The following ZNF579 variants were observed in gnomAD, a reference collection of about 807,000 sequenced individuals.
The protein encoded by ZNF579 is zinc finger protein 579.
ZNF579 carries 3 observed loss-of-function variants against 5.7 expected under a neutral mutation model. That is an observed-to-expected ratio of 0.53 (90% CI 0.24 to 1.36). The LOEUF is 1.36. Ranked by LOEUF, ZNF579 falls within the 40% of genes most tolerant of loss-of-function variation. ZNF579 has a pLI of 0.16. For missense variants in ZNF579, 679 were observed against 877.6 expected, an observed-to-expected ratio of 0.77 and a Z score of 2.86; for synonymous variants, 454 against 409.0, an observed-to-expected ratio of 1.11 and a Z score of -1.33.
chr19:55,578,564 C>A lies in ZNF579; in HGVS notation c.1076G>T (p.Gly359Val). The change falls in exon 2 of 2, where the codon GGT becomes GTT. Residue 359 changes from glycine to valine, a missense_variant. Coordinates refer to ENST00000325421, the MANE Select transcript of ZNF579 (RefSeq NM_152600.3). ...CTGCCCTTCTCCCCCTTCCGAGGCA[C>A]CCCCGCACTCCGCCCCCTCGCCCCC... ...PEGGEGAECG[G>V]ASEGGEGQNG... The A allele has an allele frequency of 1.4e-6, 2 of 1,436,592 alleles. No individual in the cohort carries two copies. The highest frequency in any genetic ancestry group is 1.8e-6 in the Non-Finnish European group (2 of 1,103,088). The allele number at this position is 1,436,592 out of a possible 1,614,324, so 89.0% of individuals were successfully genotyped here.
chr19:55,577,924 G>C lies in ZNF579; in HGVS notation c.*27C>G. The C allele has an allele frequency of 2.6e-6, 4 of 1,562,518 alleles. No homozygotes were observed. Among genetic ancestry groups the C allele is most frequent in the Non-Finnish European group, 3.5e-6 (4 of 1,154,582 alleles). On this transcript the variant is annotated 3_prime_UTR_variant, in exon 2 of 2. Coordinates refer to ENST00000325421, the MANE Select transcript of ZNF579 (RefSeq NM_152600.3). ...TTCTGCAAACCGGGGAGCTCAGGCG[G>C]AGCGGCGGAGGGCAGGGCGGCGAAG...
In ZNF579 at chr19:55,578,535, C is replaced by T. The variant is rs1184051456; in HGVS notation, c.1105G>A (p.Gly369Arg). ...GGCCGAGCCGGGGCGGCGTCGCCTC[C>T]GTTCTGCCCTTCTCCCCCTTCCGAG... ...GASEGGEGQN[G>R]GDAAPARPPA... The change falls in exon 2 of 2, where the codon GGA (glycine) becomes AGA (arginine). Residue 369 changes from glycine (G) to arginine (R), a missense_variant. By Grantham distance (125) the Gly-to-Arg change is moderately radical. Coordinates refer to ENST00000325421, the MANE Select transcript of ZNF579 (RefSeq NM_152600.3). 1.5e-6 allele frequency: 2 copies of T among 1,363,206 alleles called. No homozygotes were observed. Among genetic ancestry groups the T allele is most frequent in the Non-Finnish European group, 1.9e-6 (2 of 1,079,904 alleles). The allele number at this position is 1,363,206 out of a possible 1,614,324, so 84.4% of individuals were successfully genotyped here. A position where few individuals can be genotyped will look rare whatever the true frequency, so the allele number is the denominator to read the frequency against.
rs1224982596 is a variant in ZNF579 at position 55,577,399 on chromosome 19, G to A, written c.*552C>T. The A allele has an allele frequency of 1.3e-5, 2 of 158,434 alleles. No homozygotes were observed. The highest frequency in any genetic ancestry group is 2.8e-5 in the Non-Finnish European group (2 of 71,128). 9.8% of individuals were successfully genotyped at this position (158,434 alleles called of 1,614,324 possible). ...TTCACCGGCTTCTTGCTTGGTTGAG[G>A]GCCACATATTTTCTGATGCATCTGT... is the stretch of plus-strand genomic sequence containing the variant. On this transcript the variant is annotated 3_prime_UTR_variant, in exon 2 of 2. Transcript: ENST00000325421.
chr19:55,579,694 C>A, intron 1 of ZNF579, 53 bp from the exon 2 acceptor site: 1 of 1,360,916 alleles, frequency 7.3e-7, no homozygotes, highest in Non-Finnish European at 9.4e-7. Flanking sequence ...AAAAGAGGTG[C>A]GTGGGGTGTG....
At position 55,579,214 on chromosome 19, in the gene ZNF579, G is replaced by A. The variant is rs1315225903; in HGVS notation, c.426C>T (p.Pro142=). 2.6e-6 allele frequency: 4 copies of A among 1,523,448 alleles called. No homozygotes were observed. Among genetic ancestry groups the A allele is most frequent in the African/African-American group, 1.4e-5 (1 of 71,450 alleles). 94.4% of individuals were successfully genotyped at this position (1,523,448 alleles called of 1,614,324 possible). A position where few individuals can be genotyped will look rare whatever the true frequency, so the allele number is the denominator to read the frequency against. ...IERVAKETAE[P]SWGPQDEGSE... is the part of the protein sequence containing the mutation. ...AGCCCTCGTCCTGCGGGCCCCAGCTGGGTTCGGCCGTCTCCTTGGCCACCC... is the reference window on the plus strand; with the variant it reads ...AGCCCTCGTCCTGCGGGCCCCAGCTAGGTTCGGCCGTCTCCTTGGCCACCC... The change falls in exon 2 of 2, where the codon CCC becomes CCT. Residue 142 remains proline (P), a synonymous_variant. Coordinates refer to ENST00000325421, the MANE Select transcript of ZNF579 (RefSeq NM_152600.3).
At position 55,578,317 on chromosome 19, in the gene ZNF579, G is replaced by A; in HGVS notation, c.1323C>T (p.His441=). ...AQVHAGGPAP[H]PCPRCPRRFS... ...AGCGGCGCGGGCAGCGGGGGCACGGGTGCGGGGCTGGGCCCCCCGCGTGCA... is the reference window on the plus strand; with the variant it reads ...AGCGGCGCGGGCAGCGGGGGCACGGATGCGGGGCTGGGCCCCCCGCGTGCA... The change falls in exon 2 of 2, where the codon CAC becomes CAT. Residue 441 remains histidine (H), a synonymous_variant. Transcript: ENST00000325421. 5 of 1,326,282 alleles carry A rather than the reference G, an allele frequency of 3.8e-6. No individual in the cohort carries two copies. The South Asian group carries it at 7.1e-5, about 19-fold the overall frequency. 82.2% of individuals were successfully genotyped at this position (1,326,282 alleles called of 1,614,324 possible).
At position 55,577,872 on chromosome 19, in the gene ZNF579, G is replaced by A. The variant is rs57846854; in HGVS notation, c.*79C>T. 7.8e-6 allele frequency: 12 copies of A among 1,529,232 alleles called. No homozygotes were observed. The highest frequency in any genetic ancestry group is 1.1e-5 in the Non-Finnish European group (12 of 1,142,172). The allele number at this position is 1,529,232 out of a possible 1,614,324, so 94.7% of individuals were successfully genotyped here. A position where few individuals can be genotyped will look rare whatever the true frequency, so the allele number is the denominator to read the frequency against. ...AGGGGACGGGTGGGTAGACAGAGGA[G>A]GTGGCTCCTTCAACTTCCCTCCTCC... On this transcript the variant is annotated 3_prime_UTR_variant, in exon 2 of 2. Coordinates refer to ENST00000325421, the MANE Select transcript of ZNF579 (RefSeq NM_152600.3).
In ZNF579 at chr19:55,578,837, T is replaced by C; in HGVS notation, c.803A>G (p.Lys268Arg). Reference protein sequence around the residue: ...EGEGGPPPRPKRHQCSICLKA... With the variant: ...EGEGGPPPRPRRHQCSICLKA... ...GAGGCAGATGGAGCACTGGTGTCGC[T>C]TGGGGCGTGGCGGGGGCCCCCCTTC... The change falls in exon 2 of 2, where the codon AAG (lysine) becomes AGG (arginine). Residue 268 changes from lysine to arginine, a missense_variant. Around this residue, in one of 6 missense-constraint regions of ZNF579, gnomAD observed 209 missense variants for 223.4 expected, o/e 0.94. Coordinates refer to ENST00000325421, the MANE Select transcript of ZNF579 (RefSeq NM_152600.3). The C allele has an allele frequency of 6.2e-7, 1 of 1,602,186 alleles. No individual in the cohort carries two copies. The highest frequency in any genetic ancestry group is 8.5e-7 in the Non-Finnish European group (1 of 1,173,558).
Position 55,579,346 on chromosome 19 carries a change from G to C in ZNF579, c.294C>G (p.Pro98=). The C allele has an allele frequency of 2.9e-6, 4 of 1,373,796 alleles. No individual in the cohort carries two copies. The highest frequency in any genetic ancestry group is 3.7e-6 in the Non-Finnish European group (4 of 1,066,730). 85.1% of individuals were successfully genotyped at this position (1,373,796 alleles called of 1,614,324 possible). A position where few individuals can be genotyped will look rare whatever the true frequency, so the allele number is the denominator to read the frequency against. The change falls in exon 2 of 2, where the codon CCC becomes CCG. Residue 98 remains proline (P), a synonymous_variant. Transcript: ENST00000325421. ...GGGGGCAGGCGGCGCAGCGCAGCGG[G>C]GGCTGGGGCCCGTGGCCGCGCAGGT... is the stretch of plus-strand genomic sequence containing the variant. ...SRHLRGHGPQ[P]PLRCAACPRT...
rs139081832 is a variant in ZNF579, at chr19:55,578,053, G to A, written c.1587C>T (p.Ser529=). The A allele has an allele frequency of 1.9e-6, 3 of 1,588,946 alleles. No homozygotes were observed. The highest frequency in any genetic ancestry group is 1.1e-5 in the South Asian group (1 of 87,294). ...GGTCTTGGCTGTCGAAACAGGAGGC[G>A]CTGAGGAAGACAGGGGGAGCCGGCG... ...QSPPAPPVFL[S]ASCFDSQDHS... Residue 529 remains serine, a synonymous_variant, in exon 2 of 2, where the codon AGC becomes AGT. Transcript: ENST00000325421.
In ZNF579 at chr19:55,579,343, C is replaced by T. The variant is rs1276501753; in HGVS notation, c.297G>A (p.Pro99=). 1 of 1,387,994 alleles carries T rather than the reference C, an allele frequency of 7.2e-7. No individual in the cohort carries two copies. Among genetic ancestry groups the T allele is most frequent in the East Asian group, 3.2e-5 (1 of 31,416 alleles). 86.0% of individuals were successfully genotyped at this position (1,387,994 alleles called of 1,614,324 possible). A position where few individuals can be genotyped will look rare whatever the true frequency, so the allele number is the denominator to read the frequency against. The change falls in exon 2 of 2, where the codon CCG becomes CCA. Residue 99 remains proline, a synonymous_variant. Coordinates refer to ENST00000325421, the MANE Select transcript of ZNF579 (RefSeq NM_152600.3). The part of the protein sequence containing the change: ...RHLRGHGPQP[P]LRCAACPRTF... ...TGCGGGGGCAGGCGGCGCAGCGCAG[C>T]GGGGGCTGGGGCCCGTGGCCGCGCA... is the stretch of plus-strand genomic sequence containing the variant.
intron 1 of ZNF579, 84 bp from the exon 2 acceptor site, chr19:55,579,725 A>G: frequency 7.6e-7 from 1 of 1,312,088 alleles, no homozygotes. Context: ...AAGCAGAGAC[A>G]GTCAGAGATG....
Position 55,578,960 on chromosome 19 carries a change from T to TCTG in ZNF579, c.677_679dup (p.Ala226dup). The TCTG allele has an allele frequency of 6.5e-7, 1 of 1,549,944 alleles. No individual in the cohort carries two copies. The highest frequency in any genetic ancestry group is 8.7e-7 in the Non-Finnish European group (1 of 1,151,962). On this transcript the variant is annotated inframe_insertion, in exon 2 of 2. Coordinates refer to ENST00000325421, the MANE Select transcript of ZNF579 (RefSeq NM_152600.3). Reference sequence around the variant, plus strand: ...GCAGCGCAGACACAGCAGCGTCCAGTCTGCCTGGAGCAGGACCTGTTTCTC... The same window carrying TCTG: ...GCAGCGCAGACACAGCAGCGTCCAGTCTGCTGCCTGGAGCAGGACCTGTTTCTC...
rs1288712170 is a variant in ZNF579 at position 55,579,183 on chromosome 19, G to T, written c.457C>A (p.Pro153Thr). ...GCCCCTGCTGCAGCGGTGGTGGGCG[G>T]CTCCGAGCCCTCGTCCTGCGGGCCC... The part of the protein sequence containing the change: ...SWGPQDEGSE[P>T]PTTAAAGATE... Residue 153 changes from proline to threonine, a missense_variant, in exon 2 of 2, where the codon CCG (proline) becomes ACG (threonine). By Grantham distance (38) the Pro-to-Thr change is conservative. Around this residue, in one of 6 missense-constraint regions of ZNF579, gnomAD observed 209 missense variants for 223.4 expected, o/e 0.94. Transcript: ENST00000325421. The T allele has an allele frequency of 3.3e-6, 5 of 1,525,120 alleles. No individual in the cohort carries two copies. Among genetic ancestry groups the T allele is most frequent in the African/African-American group, 1.4e-5 (1 of 71,692 alleles). 94.5% of individuals were successfully genotyped at this position (1,525,120 alleles called of 1,614,324 possible).
In ZNF579 at chr19:55,578,518, C is replaced by A; in HGVS notation, c.1122G>T (p.Pro374=). Residue 374 remains proline (P), a synonymous_variant, in exon 2 of 2, where the codon CCG becomes CCT. Coordinates refer to ENST00000325421, the MANE Select transcript of ZNF579 (RefSeq NM_152600.3). ...GEGQNGGDAA[P]ARPPAGEPRF... is the part of the protein sequence containing the mutation. Reference sequence around the variant, plus strand: ...GGGGCTCCCCGGCGGGGGGCCGAGCCGGGGCGGCGTCGCCTCCGTTCTGCC... The same window carrying A: ...GGGGCTCCCCGGCGGGGGGCCGAGCAGGGGCGGCGTCGCCTCCGTTCTGCC... 3.6e-6 allele frequency: 5 copies of A among 1,401,842 alleles called. No homozygotes were observed. The highest frequency in any genetic ancestry group is 4.6e-6 in the Non-Finnish European group (5 of 1,092,234). 86.8% of individuals were successfully genotyped at this position (1,401,842 alleles called of 1,614,324 possible).
chr19:55,577,852 A>G lies in ZNF579; in HGVS notation c.*99T>C. On this transcript the variant is annotated 3_prime_UTR_variant, in exon 2 of 2. Transcript: ENST00000325421. ...CCTTAGTGTCAAGGGCGTGAAGGGGACGGGTGGGTAGACAGAGGAGGTGGC... is the reference window on the plus strand; with the variant it reads ...CCTTAGTGTCAAGGGCGTGAAGGGGGCGGGTGGGTAGACAGAGGAGGTGGC... 6.6e-7 allele frequency: 1 copy of G among 1,510,558 alleles called. No homozygotes were observed. The highest frequency in any genetic ancestry group is 2.0e-5 in the Admixed American group (1 of 49,120). The allele number at this position is 1,510,558 out of a possible 1,614,324, so 93.6% of individuals were successfully genotyped here. A position where few individuals can be genotyped will look rare whatever the true frequency, so the allele number is the denominator to read the frequency against.
At position 55,578,678 on chromosome 19, in the gene ZNF579, C is replaced by A. The variant is rs1387803164; in HGVS notation, c.962G>T (p.Gly321Val). 1.3e-6 allele frequency: 2 copies of A among 1,551,944 alleles called. No individual in the cohort carries two copies. Among genetic ancestry groups the A allele is most frequent in the Admixed American group, 1.9e-5 (1 of 52,732 alleles). ...SYLRQHRRVH[G>V]PLSLLAPLPA... The stretch of plus-strand genomic sequence containing the variant: ...CAGCGGGGCCAGCAGGCTGAGGGGG[C>A]CGTGGACGCGGCGGTGCTGGCGGAG... Residue 321 changes from glycine to valine, a missense_variant, in exon 2 of 2, where the codon GGC (glycine) becomes GTC (valine). Transcript: ENST00000325421.
chr19:55,578,142 G>A lies in ZNF579; in HGVS notation c.1498C>T (p.Leu500Phe). 6.5e-7 allele frequency: 1 copy of A among 1,535,028 alleles called. No homozygotes were observed. The highest frequency in any genetic ancestry group is 1.2e-5 in the South Asian group (1 of 81,654). ...PLKAEQEEEG[L>F]PLPLANIKEE... ...TTAATGTTTGCGAGGGGCAGCGGGAGCCCTTCTTCCTCCTGCTCGGCCTTC... is the reference window on the plus strand; with the variant it reads ...TTAATGTTTGCGAGGGGCAGCGGGAACCCTTCTTCCTCCTGCTCGGCCTTC... Residue 500 changes from leucine to phenylalanine, a missense_variant, in exon 2 of 2, where the codon CTC (leucine) becomes TTC (phenylalanine). By Grantham distance (22) the Leu-to-Phe change is conservative. Coordinates refer to ENST00000325421, the MANE Select transcript of ZNF579 (RefSeq NM_152600.3).
Position 55,578,855 on chromosome 19 carries a change from C to A in ZNF579, c.785G>T (p.Gly262Val), listed in dbSNP as rs1979506972. Residue 262 changes from glycine to valine, a missense_variant, in exon 2 of 2, where the codon GGG becomes GTG. Coordinates refer to ENST00000325421, the MANE Select transcript of ZNF579 (RefSeq NM_152600.3). ...RPEGEQEGEG[G>V]PPPRPKRHQC... ...GTGTCGCTTGGGGCGTGGCGGGGGC[C>A]CCCCTTCCCCTTCCTGTTCGCCCTC... 1 of 1,598,162 alleles carries A rather than the reference C, an allele frequency of 6.3e-7. No individual in the cohort carries two copies. Among genetic ancestry groups the A allele is most frequent in the African/African-American group, 1.3e-5 (1 of 74,152 alleles).
Sources: gnomAD v4.1 joint callset for allele counts on GRCh38, gnomAD v4.1.1 for gene constraint, gnomAD v4.1.1 regional missense constraint, MANE v1.5 for transcripts, NCBI Gene and HGNC (gene_info 2026-07-23, HGNC 2026-07-21) for gene names.